CLIC4: variants seen among roughly 807,000 people sequenced by gnomAD.
The protein encoded by CLIC4 is CLIC family member 4.
CLIC4 carries 13 observed loss-of-function variants against 24.6 expected under a neutral mutation model. The ratio of observed to expected loss-of-function variants is 0.53; its 90% CI spans 0.34 to 0.84. CLIC4 has a LOEUF of 0.84. CLIC4 is among the 40% of genes least tolerant of loss of function. The pLI, the probability that CLIC4 is intolerant of heterozygous loss-of-function variation, is 0.01. For missense variants in CLIC4, 227 were observed against 301.7 expected (o/e 0.75, Z 1.83); for synonymous variants, 104 against 111.3 (o/e 0.93, Z 0.41).
intron 1 of CLIC4, among the ~76,000 whole-genome samples, chr1:24,775,224 CTTTTTT>C: frequency 4.4e-5 from 4 of 90,656 alleles, no homozygotes; most frequent in Non-Finnish European, 6.2e-5. Context: ...TTCTTTCTTT[CTTTTTT>C]TTTTTTTTTT....
chr1:24,787,469 C>G (rs1277202727), intron 1 of CLIC4, among the ~76,000 whole-genome samples: 1 of 151,978 alleles, frequency 6.6e-6, no homozygotes, highest in East Asian at 1.9e-4. Context: ...ATAATTCACC[C>G]ATTTAAAATA....
At chr1:24,764,778 T>C (rs1040329781) in intron 1 of CLIC4, among the ~76,000 whole-genome samples, 2 of 152,220 alleles carry the variant, frequency 1.3e-5, no homozygotes, top group Non-Finnish European at 2.9e-5. Flanking sequence ...AAATTTGAGA[T>C]TCACCACTAA....
intron 1 of CLIC4, among the ~76,000 whole-genome samples, chr1:24,760,083 G>T (rs1295079119): frequency 3.9e-5 from 6 of 152,108 alleles, no homozygotes; most frequent in African/African-American, 1.4e-4. Flanking sequence ...TTTTAAATAG[G>T]GGCCAGATGT....
intron 2 of CLIC4, among the ~76,000 whole-genome samples, chr1:24,808,683 T>TC (rs1196590511): frequency 6.6e-6 from 1 of 150,438 alleles, no homozygotes; most frequent in African/African-American, 2.4e-5. Flanking sequence ...ATAAAATTTT[T>TC]TTTTTTTTTT....
intron 3 of CLIC4, among the ~76,000 whole-genome samples, chr1:24,819,460 G>A (rs1372895142): frequency 1.3e-5 from 2 of 149,670 alleles, no homozygotes; most frequent in Non-Finnish European, 3.0e-5. Context: ...TTTTTGAGAC[G>A]GAGTTTCACT....
At chr1:24,747,331 C>G (rs568571836) in intron 1 of CLIC4, among the ~76,000 whole-genome samples, 1 of 151,570 alleles carries the variant, frequency 6.6e-6, no homozygotes, top group East Asian at 1.9e-4. Context: ...GTCAGGAGAT[C>G]GAGACCATCC....
At chr1:24,775,261 A>G (rs1320915655) in intron 1 of CLIC4, among the ~76,000 whole-genome samples, 38 of 72,348 alleles carry the variant, frequency 5.3e-4, no homozygotes, top group African/African-American at 1.7e-3. Context: ...CATTATTTCA[A>G]TTATGATATA....
rs1212033050 is a variant in CLIC4, at chr1:24,820,067, G to GTGTGTA, written c.308+5849_308+5850insGTGTAT. 5.5e-3 allele frequency among the ~76,000 whole-genome samples: 201 copies of GTGTGTA among 36,446 alleles called. 20 individuals are homozygous for GTGTGTA. The highest frequency in any genetic ancestry group is 0.017 in the Admixed American group (36 of 2,142). 23.9% of individuals were successfully genotyped at this position (36,446 alleles called of 152,430 possible). Reference sequence around the variant, plus strand: ...TACTTCAAAAAAAAAAAAAAAGTATGTATATATATATGTATATATATATAT... The same window carrying GTGTGTA: ...TACTTCAAAAAAAAAAAAAAAGTATGTGTGTATATATATATATGTATATATATATAT... On this transcript the variant is annotated intron_variant, in intron 3 of 5. Coordinates refer to ENST00000374379, the MANE Select transcript of CLIC4 (RefSeq NM_013943.3).
At chr1:24,775,046 G>A (rs1267015544) in intron 1 of CLIC4, among the ~76,000 whole-genome samples, 10 of 151,522 alleles carry the variant, frequency 6.6e-5, no homozygotes, top group Admixed American at 3.9e-4. Flanking sequence ...ATTCCAGCCT[G>A]GGTGACAGAG....
At position 24,766,485 on chromosome 1, in the gene CLIC4, T is replaced by G. The variant is rs935828634; in HGVS notation, c.72+20860T>G. Among the ~76,000 whole-genome samples, 27 of 39,658 alleles carry G rather than the reference T, an allele frequency of 6.8e-4. No homozygotes were observed. In the East Asian group the frequency reaches 0.019, roughly 28 times the overall value. The allele number at this position is 39,658 out of a possible 152,430, so 26.0% of individuals were successfully genotyped here. A position where few individuals can be genotyped will look rare whatever the true frequency, so the allele number is the denominator to read the frequency against. ...TGTTGCCCAGACGGTTTTTTTTTTT[T>G]TTTTTTTTTTTTTTTTTTTTTTTTT... is the stretch of plus-strand genomic sequence containing the variant. On this transcript the variant is annotated intron_variant, in intron 1 of 5. Coordinates refer to ENST00000374379, the MANE Select transcript of CLIC4 (RefSeq NM_013943.3).
At chr1:24,763,937 C>T (rs959092925) in intron 1 of CLIC4, among the ~76,000 whole-genome samples, 4 of 152,170 alleles carry the variant, frequency 2.6e-5, no homozygotes, top group African/African-American at 9.7e-5. Flanking sequence ...TTCATCTTTG[C>T]GTCCACCACG....
intron 4 of CLIC4, among the ~76,000 whole-genome samples, chr1:24,835,482 GA>G (rs1386802409): frequency 6.6e-6 from 1 of 152,210 alleles, no homozygotes; most frequent in East Asian, 1.9e-4. Flanking sequence ...AGAGTCACTT[GA>G]AACTGGGAGG....
chr1:24,814,355 A>G, intron 3 of CLIC4, 136 bp downstream of exon 3: 2 of 1,012,944 alleles, frequency 2.0e-6, no homozygotes, highest in Non-Finnish European at 1.4e-6. Flanking sequence ...AATTAATGCT[A>G]CACAGATATA....
At chr1:24,749,363 A>G (rs541582092) in intron 1 of CLIC4, among the ~76,000 whole-genome samples, 37 of 152,310 alleles carry the variant, frequency 2.4e-4, no homozygotes, top group African/African-American at 8.7e-4. Flanking sequence ...CATAGCATGT[A>G]TGGAAATTAG....
intron 1 of CLIC4, among the ~76,000 whole-genome samples, chr1:24,790,058 A>ATTTTTATT (rs1453866371): frequency 6.6e-6 from 1 of 152,058 alleles, no homozygotes; most frequent in Non-Finnish European, 1.5e-5. Context: ...GGGTTATCTC[A>ATTTTTATT]TTTTTATTTT....
chr1:24,805,787 A>G (rs1035512790), intron 2 of CLIC4, among the ~76,000 whole-genome samples: 1 of 152,196 alleles, frequency 6.6e-6, no homozygotes, highest in African/African-American at 2.4e-5. Context: ...CAATTGTTGC[A>G]ATTGTACTGA....
intron 3 of CLIC4, among the ~76,000 whole-genome samples, chr1:24,823,176 A>G (rs1030731875): frequency 6.6e-6 from 1 of 152,214 alleles, no homozygotes; most frequent in African/African-American, 2.4e-5. Flanking sequence ...GCAATTGTCT[A>G]TTCTAGAGTT....
intron 1 of CLIC4, among the ~76,000 whole-genome samples, chr1:24,783,326 A>G (rs953912167): frequency 4.6e-5 from 7 of 152,178 alleles, no homozygotes; most frequent in African/African-American, 1.4e-4. Context: ...CTAGTCAGGT[A>G]TTAGCCCTGG....
chr1:24,820,438 A>C (rs1358021135), intron 3 of CLIC4, among the ~76,000 whole-genome samples: 2 of 150,756 alleles, frequency 1.3e-5, no homozygotes, highest in East Asian at 3.9e-4. Context: ...AGTTTAAAAA[A>C]ATTTTTGTAG....
Sources: allele counts gnomAD v4.1 joint callset (sites outside exome capture counted in the v4.1 genomes callset), GRCh38; gene constraint gnomAD v4.1.1; transcripts MANE v1.5; gene names NCBI Gene and HGNC (gene_info 2026-07-23, HGNC 2026-07-21).